Variants in EVX2 observed in about 807,000 individuals in gnomAD.
The protein encoded by EVX2 is even-skipped homeobox 2.
In EVX2, 10 loss-of-function variants were observed where a neutral mutation model predicts 19.2. The ratio of observed to expected loss-of-function variants is 0.52; its 90% CI spans 0.32 to 0.89. EVX2 has a LOEUF of 0.89. Ranked by LOEUF, EVX2 falls within the 40% of genes least tolerant of loss-of-function variation. The pLI is 0.03. For missense variants in EVX2, 710 were observed against 694.9 expected (o/e 1.02, Z -0.24); for synonymous variants, 354 against 328.4 (o/e 1.08, Z -0.84).
Position 176,083,357 on chromosome 2 carries a change from A to G in EVX2, c.420T>C (p.Asn140=), listed in dbSNP as rs1689174822. 1.9e-6 allele frequency: 3 copies of G among 1,589,878 alleles called. 1 individual carries two copies. The highest frequency in any genetic ancestry group is 8.6e-7 in the Non-Finnish European group (1 of 1,167,034). ...TGCGGCCGGCGCGGTTACCTTTGCC[A>G]TTGTTTTCCTTAAGCTGAGCGGCGC... The part of the protein sequence containing the change: ...GLGAAQLKEN[N]GKGYAESGSA... The change falls in exon 1 of 3, where the codon AAT becomes AAC. Residue 140 remains asparagine, a synonymous_variant. Coordinates refer to ENST00000308618, the MANE Select transcript of EVX2 (RefSeq NM_001080458.2). The surrounding 1 kb of genome is among the most constrained non-coding windows in gnomAD (Gnocchi z 4.4).
rs1689102321 is a variant in EVX2 at position 176,079,805 on chromosome 2, G to A, written c.*302C>T. On this transcript the variant is annotated 3_prime_UTR_variant, in exon 3 of 3. Transcript: ENST00000308618. The surrounding 1 kb of genome is among the most constrained non-coding windows in gnomAD (Gnocchi z 4.4). Reference sequence around the variant, plus strand: ...TAGGGGGCGAGGGGTTGGTCTTTGGGAAACCAAGCGCTCAGGACAGAGGTG... The same window carrying A: ...TAGGGGGCGAGGGGTTGGTCTTTGGAAAACCAAGCGCTCAGGACAGAGGTG... 1 of 247,958 alleles carries A rather than the reference G, an allele frequency of 4.0e-6. No individual in the cohort carries two copies. The highest frequency in any genetic ancestry group is 7.7e-6 in the Non-Finnish European group (1 of 129,938). The allele number at this position is 247,958 out of a possible 1,614,324, so 15.4% of individuals were successfully genotyped here.
Position 176,082,058 on chromosome 2 carries a change from C to T in EVX2, c.699+120G>A, listed in dbSNP as rs1689154880. On this transcript the variant is annotated intron_variant, in intron 2 of 2. Coordinates refer to ENST00000308618, the MANE Select transcript of EVX2 (RefSeq NM_001080458.2). This position sits in a 1 kb window ranked among gnomAD's most constrained non-coding sequence, Gnocchi z 5.2. ...AAGCCAATTCCTTTGGTGACTACCCCCCGCGGATTTCCAGACCCTTAGCTA... is the reference window on the plus strand; with the variant it reads ...AAGCCAATTCCTTTGGTGACTACCCTCCGCGGATTTCCAGACCCTTAGCTA... The T allele has an allele frequency of 9.0e-7, 1 of 1,116,442 alleles. No individual in the cohort carries two copies. Among genetic ancestry groups the T allele is most frequent in the African/African-American group, 1.6e-5 (1 of 61,258 alleles). The allele number at this position is 1,116,442 out of a possible 1,614,324, so 69.2% of individuals were successfully genotyped here.
At position 176,078,227 on chromosome 2, in the gene EVX2, T is replaced by C. The variant is rs1311288900; in HGVS notation, c.*1880A>G. The C allele has an allele frequency of 6.6e-6, 1 of 151,558 alleles. No individual in the cohort carries two copies. The highest frequency in any genetic ancestry group is 1.5e-5 in the Non-Finnish European group (1 of 68,028). The allele number at this position is 151,558 out of a possible 1,614,324, so 9.4% of individuals were successfully genotyped here. ...CCACAGAAAATAGTGCCAATGTGTATGTATACATGAATATGTGTGTATCTC... is the reference window on the plus strand; with the variant it reads ...CCACAGAAAATAGTGCCAATGTGTACGTATACATGAATATGTGTGTATCTC... On this transcript the variant is annotated 3_prime_UTR_variant, in exon 3 of 3. Coordinates refer to ENST00000308618, the MANE Select transcript of EVX2 (RefSeq NM_001080458.2).
At position 176,079,962 on chromosome 2, in the gene EVX2, G is replaced by A; in HGVS notation, c.*145C>T. On this transcript the variant is annotated 3_prime_UTR_variant, in exon 3 of 3. Transcript: ENST00000308618. The surrounding 1 kb of genome is among the most constrained non-coding windows in gnomAD (Gnocchi z 4.4). ...GCTCCTTCTCCCCCAATTCGGAGCAGGTTCCCTTCGGCCTCCCGCGCCCCG... is the reference window on the plus strand; with the variant it reads ...GCTCCTTCTCCCCCAATTCGGAGCAAGTTCCCTTCGGCCTCCCGCGCCCCG... 1.2e-6 allele frequency: 1 copy of A among 849,344 alleles called. No homozygotes were observed. Among genetic ancestry groups the A allele is most frequent in the Non-Finnish European group, 1.6e-6 (1 of 621,906 alleles). 52.6% of individuals were successfully genotyped at this position (849,344 alleles called of 1,614,324 possible). A position where few individuals can be genotyped will look rare whatever the true frequency, so the allele number is the denominator to read the frequency against.
rs1342844838 is a variant in EVX2, at chr2:176,083,272, C to T, written c.427+78G>A. 2 of 1,441,026 alleles carry T rather than the reference C, an allele frequency of 1.4e-6. No homozygotes were observed. The highest frequency in any genetic ancestry group is 2.2e-5 in the Admixed American group (1 of 45,650). The allele number at this position is 1,441,026 out of a possible 1,614,324, so 89.3% of individuals were successfully genotyped here. ...GTGGAGGGTCTGAGAGGGGAAAAGGCACCGGGAAAGGCTGGCGGGGGCCGC... is the reference window on the plus strand; with the variant it reads ...GTGGAGGGTCTGAGAGGGGAAAAGGTACCGGGAAAGGCTGGCGGGGGCCGC... On this transcript the variant is annotated intron_variant, in intron 1 of 2. Transcript: ENST00000308618. The surrounding 1 kb of genome is among the most constrained non-coding windows in gnomAD (Gnocchi z 4.4).
chr2:176,083,959 TC>T lies in EVX2; in HGVS notation c.-184del. ...ATGACTGGTCAAAATGACCCATACATCCTTCCGATCCCGAGATGTCATTCAT... is the reference window on the plus strand; with the variant it reads ...ATGACTGGTCAAAATGACCCATACATCTTCCGATCCCGAGATGTCATTCAT... On this transcript the variant is annotated 5_prime_UTR_variant, in exon 1 of 3. Coordinates refer to ENST00000308618, the MANE Select transcript of EVX2 (RefSeq NM_001080458.2). The surrounding 1 kb of genome is among the most constrained non-coding windows in gnomAD (Gnocchi z 4.4). 1.7e-6 allele frequency: 1 copy of T among 596,116 alleles called. No homozygotes were observed. Among genetic ancestry groups the T allele is most frequent in the Non-Finnish European group, 3.0e-6 (1 of 338,184 alleles). The allele number at this position is 596,116 out of a possible 1,614,324, so 36.9% of individuals were successfully genotyped here.
Position 176,083,935 on chromosome 2 carries a change from T to A in EVX2, c.-159A>T, listed in dbSNP as rs1307823192. 1.5e-6 allele frequency: 1 copy of A among 646,124 alleles called. No homozygotes were observed. 40.0% of individuals were successfully genotyped at this position (646,124 alleles called of 1,614,324 possible). ...ATTGTGGGATGCCAGAGCGAGGGAA[T>A]GACTGGTCAAAATGACCCATACATC... On this transcript the variant is annotated 5_prime_UTR_variant, in exon 1 of 3. Coordinates refer to ENST00000308618, the MANE Select transcript of EVX2 (RefSeq NM_001080458.2). The surrounding 1 kb of genome is among the most constrained non-coding windows in gnomAD (Gnocchi z 4.4).
rs1454088115 is a variant in EVX2 at position 176,079,955 on chromosome 2, C to G, written c.*152G>C. The G allele has an allele frequency of 1.3e-6, 1 of 783,250 alleles. No individual in the cohort carries two copies. The highest frequency in any genetic ancestry group is 1.8e-6 in the Non-Finnish European group (1 of 560,292). The allele number at this position is 783,250 out of a possible 1,614,324, so 48.5% of individuals were successfully genotyped here. A position where few individuals can be genotyped will look rare whatever the true frequency, so the allele number is the denominator to read the frequency against. On this transcript the variant is annotated 3_prime_UTR_variant, in exon 3 of 3. Coordinates refer to ENST00000308618, the MANE Select transcript of EVX2 (RefSeq NM_001080458.2). This position sits in a 1 kb window ranked among gnomAD's most constrained non-coding sequence, Gnocchi z 4.4. Reference sequence around the variant, plus strand: ...TGCGCCTGCTCCTTCTCCCCCAATTCGGAGCAGGTTCCCTTCGGCCTCCCG... The same window carrying G: ...TGCGCCTGCTCCTTCTCCCCCAATTGGGAGCAGGTTCCCTTCGGCCTCCCG...
chr2:176,079,997 C>CTGGCGGCAG lies in EVX2; in HGVS notation c.*101_*109dup. On this transcript the variant is annotated 3_prime_UTR_variant, in exon 3 of 3. Coordinates refer to ENST00000308618, the MANE Select transcript of EVX2 (RefSeq NM_001080458.2). The surrounding 1 kb of genome is among the most constrained non-coding windows in gnomAD (Gnocchi z 4.4). ...GGCCTCCCGCGCCCCGGGGCGCCCC[C>CTGGCGGCAG]TGGCGGCAGCGGCAGCAGCGGGCAA... The CTGGCGGCAG allele has an allele frequency of 8.1e-7, 1 of 1,239,294 alleles. No individual in the cohort carries two copies. Among genetic ancestry groups the CTGGCGGCAG allele is most frequent in the Non-Finnish European group, 1.0e-6 (1 of 973,588 alleles). The allele number at this position is 1,239,294 out of a possible 1,614,324, so 76.8% of individuals were successfully genotyped here.
Position 176,083,919 on chromosome 2 carries a change from T to G in EVX2, c.-143A>C, listed in dbSNP as rs1433914006. The stretch of plus-strand genomic sequence containing the variant: ...GGAGGGAGGCGGAAAAATTGTGGGA[T>G]GCCAGAGCGAGGGAATGACTGGTCA... On this transcript the variant is annotated 5_prime_UTR_variant, in exon 1 of 3. Coordinates refer to ENST00000308618, the MANE Select transcript of EVX2 (RefSeq NM_001080458.2). The surrounding 1 kb of genome is among the most constrained non-coding windows in gnomAD (Gnocchi z 4.4). 1.4e-5 allele frequency: 10 copies of G among 707,882 alleles called. No individual in the cohort carries two copies. The East Asian group carries it at 2.6e-4, about 19-fold the overall frequency. The allele number at this position is 707,882 out of a possible 1,614,324, so 43.9% of individuals were successfully genotyped here.
chr2:176,081,964 A>AC lies in EVX2; in HGVS notation c.699+213dup, dbSNP rs1310595420. Among the ~76,000 whole-genome samples, 1 of 152,164 alleles carries AC rather than the reference A, an allele frequency of 6.6e-6. No homozygotes were observed. Among genetic ancestry groups the AC allele is most frequent in the Non-Finnish European group, 1.5e-5 (1 of 68,032 alleles). On this transcript the variant is annotated intron_variant, in intron 2 of 2. Coordinates refer to ENST00000308618, the MANE Select transcript of EVX2 (RefSeq NM_001080458.2). This position sits in a 1 kb window ranked among gnomAD's most constrained non-coding sequence, Gnocchi z 5.9. ...GGCGAGTGCTTTCAGCATTGGAGTCACCATTCGGGGGCCTTCTTAGATCCG... is the reference window on the plus strand; with the variant it reads ...GGCGAGTGCTTTCAGCATTGGAGTCACCCATTCGGGGGCCTTCTTAGATCCG...
Position 176,083,371 on chromosome 2 carries a change from G to C in EVX2, c.406C>G (p.Leu136Val). The C allele has an allele frequency of 6.2e-7, 1 of 1,601,538 alleles. No individual in the cohort carries two copies. Among genetic ancestry groups the C allele is most frequent in the South Asian group, 1.1e-5 (1 of 89,612 alleles). ...RSPGGLGAAQ[L>V]KENNGKGYAE... ...TTACCTTTGCCATTGTTTTCCTTAA[G>C]CTGAGCGGCGCCGAGGCCCCCGGGG... is the stretch of plus-strand genomic sequence containing the variant. Residue 136 changes from leucine (L) to valine (V), a missense_variant, in exon 1 of 3, where the codon CTT becomes GTT. By Grantham distance (32) the Leu-to-Val change is conservative. Transcript: ENST00000308618. This position sits in a 1 kb window ranked among gnomAD's most constrained non-coding sequence, Gnocchi z 4.4.
Position 176,082,356 on chromosome 2 carries a change from C to T in EVX2, c.521G>A (p.Gly174Glu), listed in dbSNP as rs749373898. The T allele has an allele frequency of 1.9e-6, 3 of 1,602,054 alleles. No individual in the cohort carries two copies. The highest frequency in any genetic ancestry group is 2.7e-5 in the African/African-American group (2 of 74,798). The change falls in exon 2 of 3, where the codon GGG becomes GAG. Residue 174 changes from glycine to glutamate, a missense_variant. Transcript: ENST00000308618. The surrounding 1 kb of genome is among the most constrained non-coding windows in gnomAD (Gnocchi z 5.2). ...GCCGGAGCCACCCAGCGCCGCGCTC[C>T]CGCCGCTGCCTCCGCTGCCTCCATG... The part of the protein sequence containing the change: ...SLHGGSGGSG[G>E]SAALGGSGSG...
chr2:176,080,213 G>A lies in EVX2; in HGVS notation c.1325C>T (p.Ala442Val). ...GAAGCCGCTCTCGGAACGCGGCGCC[G>A]CCGCGCTGCAGCCGAAGTCCGAGCC... ...GGGSDFGCSA[A>V]APRSESGFLP... Residue 442 changes from alanine to valine, a missense_variant, in exon 3 of 3, where the codon GCG becomes GTG. By Grantham distance (64) the Ala-to-Val change is moderately conservative. Transcript: ENST00000308618. The surrounding 1 kb of genome is among the most constrained non-coding windows in gnomAD (Gnocchi z 7.0). The A allele has an allele frequency of 6.9e-7, 1 of 1,452,138 alleles. No homozygotes were observed. Among genetic ancestry groups the A allele is most frequent in the East Asian group, 3.0e-5 (1 of 33,260 alleles). 90.0% of individuals were successfully genotyped at this position (1,452,138 alleles called of 1,614,324 possible). A position where few individuals can be genotyped will look rare whatever the true frequency, so the allele number is the denominator to read the frequency against.
chr2:176,080,395 G>GC lies in EVX2; in HGVS notation c.1142dup (p.Ser381ArgfsTer79), dbSNP rs1244033777. On this transcript the variant is annotated frameshift_variant, in exon 3 of 3. Coordinates refer to ENST00000308618, the MANE Select transcript of EVX2 (RefSeq NM_001080458.2). LOFTEE classifies it high-confidence loss of function. The surrounding 1 kb of genome is among the most constrained non-coding windows in gnomAD (Gnocchi z 7.0). ...GGCACGAGCAGGGTGCAGAGCCGCC[G>GC]CTGGGGGGCGCGCCGGCCGCCGCCG... The GC allele has an allele frequency of 4.6e-6, 5 of 1,097,140 alleles. No individual in the cohort carries two copies. Among genetic ancestry groups the GC allele is most frequent in the Non-Finnish European group, 5.5e-6 (5 of 900,968 alleles). 68.0% of individuals were successfully genotyped at this position (1,097,140 alleles called of 1,614,324 possible). A position where few individuals can be genotyped will look rare whatever the true frequency, so the allele number is the denominator to read the frequency against.
chr2:176,083,481 C>A lies in EVX2; in HGVS notation c.296G>T (p.Arg99Leu), dbSNP rs987566992. ...SSEISSAAES[R>L]KKPGHYSEAA... ...CTCTGAATAATGGCCCGGCTTCTTG[C>A]GGCTCTCGGCGGCGGAGGAGATTTC... Residue 99 changes from arginine to leucine, a missense_variant, in exon 1 of 3, where the codon CGC becomes CTC. By Grantham distance (102) the Arg-to-Leu change is moderately radical. Transcript: ENST00000308618. The surrounding 1 kb of genome is among the most constrained non-coding windows in gnomAD (Gnocchi z 4.4). 5 of 1,614,046 alleles carry A rather than the reference C, an allele frequency of 3.1e-6. No homozygotes were observed. The East Asian group carries it at 6.7e-5, about 22-fold the overall frequency.
Position 176,082,707 on chromosome 2 carries a change from C to T in EVX2, c.428-258G>A, listed in dbSNP as rs1291504314. On this transcript the variant is annotated intron_variant, in intron 1 of 2. Coordinates refer to ENST00000308618, the MANE Select transcript of EVX2 (RefSeq NM_001080458.2). This position sits in a 1 kb window ranked among gnomAD's most constrained non-coding sequence, Gnocchi z 5.2. ...TTTTCAACCAAGGAGGAAAAGTGGC[C>T]GAGGGAAAATGCCTACCTCTGGGCG... Among the ~76,000 whole-genome samples the T allele has an allele frequency of 2.0e-5, 3 of 152,120 alleles. No individual in the cohort carries two copies. The highest frequency in any genetic ancestry group is 4.8e-5 in the African/African-American group (2 of 41,426).
In EVX2 at chr2:176,081,694, C is replaced by T. The variant is rs999144952; in HGVS notation, c.699+484G>A. On this transcript the variant is annotated intron_variant, in intron 2 of 2. Transcript: ENST00000308618. The surrounding 1 kb of genome is among the most constrained non-coding windows in gnomAD (Gnocchi z 5.9). Reference sequence around the variant, plus strand: ...GCAGGAGGTTGCCCTTTTTTCGTTGCCCAAGAGGAAAATGTTCAGGAAACT... The same window carrying T: ...GCAGGAGGTTGCCCTTTTTTCGTTGTCCAAGAGGAAAATGTTCAGGAAACT... Among the ~76,000 whole-genome samples the T allele has an allele frequency of 6.6e-6, 1 of 151,986 alleles. No homozygotes were observed. The highest frequency in any genetic ancestry group is 1.5e-5 in the Non-Finnish European group (1 of 67,994).
Position 176,080,899 on chromosome 2 carries a change from C to T in EVX2, c.700-61G>A. 1 of 1,546,258 alleles carries T rather than the reference C, an allele frequency of 6.5e-7. No individual in the cohort carries two copies. Among genetic ancestry groups the T allele is most frequent in the East Asian group, 2.3e-5 (1 of 43,834 alleles). ...AGCGCCCCGTGTTCCCAGCTCCTGTCCCAGGACCTCTGCCCCTTCCGGACC... is the reference window on the plus strand; with the variant it reads ...AGCGCCCCGTGTTCCCAGCTCCTGTTCCAGGACCTCTGCCCCTTCCGGACC... On this transcript the variant is annotated intron_variant, in intron 2 of 2. Transcript: ENST00000308618. The surrounding 1 kb of genome is among the most constrained non-coding windows in gnomAD (Gnocchi z 7.0).
Sources: allele counts gnomAD v4.1 joint callset (sites outside exome capture counted in the v4.1 genomes callset), GRCh38; gene constraint gnomAD v4.1.1; non-coding constraint Gnocchi (gnomAD v3.1); transcripts MANE v1.5; gene names NCBI Gene and HGNC (gene_info 2026-07-23, HGNC 2026-07-21).